TNFRSF10A: variants seen among roughly 807,000 people sequenced by gnomAD.
TNFRSF10A encodes the protein tumor necrosis factor receptor superfamily member 10A.
Under a neutral mutation model 42.8 loss-of-function variants are expected in TNFRSF10A, and 44 were observed. The observed-to-expected ratio is 1.03, with a 90% CI of 0.81 to 1.32. The LOEUF (loss-of-function observed/expected upper bound fraction) is 1.32. Ranked by LOEUF, TNFRSF10A falls within the 40% of genes most tolerant of loss-of-function variation. TNFRSF10A has a pLI of 0.00. For synonymous variants in TNFRSF10A, 259 were observed against 234.2 expected (o/e 1.11, Z -0.97); for missense variants, 680 against 602.0 (o/e 1.13, Z -1.36).
intron 9 of TNFRSF10A, among the ~76,000 whole-genome samples, chr8:23,194,311 T>G (rs2128846362): frequency 6.6e-6 from 1 of 152,314 alleles, no homozygotes; most frequent in South Asian, 2.1e-4. Flanking sequence ...AGTAAATAAT[T>G]CCAAGCAATT....
In TNFRSF10A at chr8:23,201,933, A is replaced by G. The variant is rs766309614; in HGVS notation, c.518-14T>C. ...TCTCTTCTTCATCTGATGACAGAGT[A>G]CAAGGTTTTGGGAATGTGTTTCCCT... On this transcript the variant is annotated splice_polypyrimidine_tract_variant and intron_variant, in intron 3 of 9. Coordinates refer to ENST00000221132, the MANE Select transcript of TNFRSF10A (RefSeq NM_003844.4). 1.6e-5 allele frequency: 25 copies of G among 1,612,270 alleles called. No homozygotes were observed. Among genetic ancestry groups the G allele is most frequent in the Non-Finnish European group, 2.1e-5 (25 of 1,178,730 alleles).
At chr8:23,204,120 T>C (rs4242392) in intron 2 of TNFRSF10A, among the ~76,000 whole-genome samples, 29,763 of 151,718 alleles carry the variant, frequency 0.2, 3,543 homozygotes, top group South Asian at 0.37. Context: ...GATGACACTA[T>C]CGATGATAAA....
At chr8:23,218,891 T>C (rs1173936914) in intron 1 of TNFRSF10A, among the ~76,000 whole-genome samples, 1 of 152,248 alleles carries the variant, frequency 6.6e-6, no homozygotes, top group Admixed American at 6.5e-5. Flanking sequence ...TTCATTTACA[T>C]ATGAAGTGCT....
intron 6 of TNFRSF10A, 131 bp downstream of exon 6, chr8:23,200,374 A>T (rs1800889476): frequency 1.0e-6 from 1 of 996,750 alleles, no homozygotes. Flanking sequence ...ATGGGGGGTG[A>T]TCACAAGGAG....
At chr8:23,203,307 CAA>C (rs1208858914) in intron 2 of TNFRSF10A, among the ~76,000 whole-genome samples, 2 of 152,106 alleles carry the variant, frequency 1.3e-5, no homozygotes, top group African/African-American at 4.8e-5. Context: ...GTAGAAGGTA[CAA>C]ACAGGCGCAG....
At chr8:23,209,325 C>T (rs1356507410) in intron 2 of TNFRSF10A, among the ~76,000 whole-genome samples, 1 of 152,204 alleles carries the variant, frequency 6.6e-6, no homozygotes, top group East Asian at 1.9e-4. Flanking sequence ...GCATCAGAGC[C>T]CCCACACGGA....
At chr8:23,193,850 T>C (rs1424445615) in intron 9 of TNFRSF10A, among the ~76,000 whole-genome samples, 2 of 152,236 alleles carry the variant, frequency 1.3e-5, no homozygotes, top group Non-Finnish European at 2.9e-5. Flanking sequence ...TTTGTAATAC[T>C]GTTTGGCTCC....
chr8:23,199,168 A>G, intron 8 of TNFRSF10A, 98 bp downstream of exon 8: 1 of 1,461,484 alleles, frequency 6.8e-7, no homozygotes, highest in Non-Finnish European at 9.3e-7. Context: ...CTGCAGTCCC[A>G]TCTCCCTCAG....
intron 8 of TNFRSF10A, among the ~76,000 whole-genome samples, chr8:23,197,439 T>G (rs1800842453): frequency 1.3e-5 from 2 of 152,050 alleles, no homozygotes; most frequent in South Asian, 4.2e-4. Context: ...CTTATAGGAG[T>G]GCAAACCCTA....
chr8:23,197,016 C>T, intron 9 of TNFRSF10A, 116 bp downstream of exon 9: 2 of 1,361,542 alleles, frequency 1.5e-6, no homozygotes, highest in Non-Finnish European at 2.1e-6. Context: ...AGCATAGGAC[C>T]CCCAGTTTCT....
chr8:23,197,356 G>A, intron 8 of TNFRSF10A, 152 bp from the exon 9 acceptor site: 1 of 806,908 alleles, frequency 1.2e-6, no homozygotes, highest in Non-Finnish European at 2.0e-6. Context: ...GTCCCACATA[G>A]CTCACAGCCA....
intron 9 of TNFRSF10A, among the ~76,000 whole-genome samples, chr8:23,196,132 G>C (rs1016321630): frequency 2.6e-5 from 4 of 152,002 alleles, no homozygotes; most frequent in African/African-American, 9.7e-5. Context: ...TGGGATGCTG[G>C]ACCCCTCATT....
chr8:23,196,556 G>A (rs578047727), intron 9 of TNFRSF10A, among the ~76,000 whole-genome samples: 1 of 152,294 alleles, frequency 6.6e-6, no homozygotes, highest in South Asian at 2.1e-4. Flanking sequence ...CAGGGGACAT[G>A]AATTGGAGAC....
At chr8:23,222,222 T>G (rs1801266884) in intron 1 of TNFRSF10A, among the ~76,000 whole-genome samples, 1 of 152,118 alleles carries the variant, frequency 6.6e-6, no homozygotes, top group Non-Finnish European at 1.5e-5. Context: ...CACAATCTTC[T>G]CCCGAAGTAC....
At chr8:23,213,854 C>A (rs1033189174) in intron 1 of TNFRSF10A, among the ~76,000 whole-genome samples, 1 of 152,218 alleles carries the variant, frequency 6.6e-6, no homozygotes, top group African/African-American at 2.4e-5. Flanking sequence ...ACACTGCTTT[C>A]ATATCCTGTA....
intron 1 of TNFRSF10A, among the ~76,000 whole-genome samples, chr8:23,212,589 G>A (rs868162628): frequency 6.6e-6 from 1 of 152,132 alleles, no homozygotes; most frequent in East Asian, 1.9e-4. Flanking sequence ...TATGTATTAC[G>A]TTTATCCATT....
chr8:23,197,487 T>A (rs1159919734), intron 8 of TNFRSF10A, among the ~76,000 whole-genome samples: 12 of 152,142 alleles, frequency 7.9e-5, no homozygotes, highest in Admixed American at 7.9e-4. Flanking sequence ...GGTTGCATAC[T>A]CCTTATGAGA....
At chr8:23,221,950 C>T (rs1009176795) in intron 1 of TNFRSF10A, among the ~76,000 whole-genome samples, 3 of 151,910 alleles carry the variant, frequency 2.0e-5, no homozygotes, top group African/African-American at 7.3e-5. Context: ...GATCTCGGCT[C>T]ACTGCAAGCT....
intron 2 of TNFRSF10A, among the ~76,000 whole-genome samples, chr8:23,204,024 G>A (rs984636015): frequency 3.3e-5 from 5 of 152,080 alleles, no homozygotes; most frequent in Non-Finnish European, 7.4e-5. Context: ...TGATCCACCT[G>A]CCTCGGCCTC....
Sources: allele counts gnomAD v4.1 joint callset (sites outside exome capture counted in the v4.1 genomes callset), GRCh38; gene constraint gnomAD v4.1.1; transcripts MANE v1.5; gene names NCBI Gene and HGNC (gene_info 2026-07-23, HGNC 2026-07-21).